The following TENM4 variants were observed in gnomAD, a reference collection of about 807,000 sequenced individuals.
The protein encoded by TENM4 is teneurin-4.
A neutral mutation model predicts 243.3 loss-of-function variants in TENM4; 82 were observed. The observed-to-expected ratio is 0.34, with a 90% CI of 0.28 to 0.40. The LOEUF is 0.40. Ranked by LOEUF, TENM4 falls within the 10% of genes least tolerant of loss-of-function variation. The pLI is 1.00. For synonymous variants in TENM4, 1,412 were observed against 1,456.3 expected (o/e 0.97, Z 0.69); for missense variants, 3,138 against 3,673.3 (o/e 0.85, Z 3.77).
intron 10 of TENM4, among the ~76,000 whole-genome samples, chr11:78,861,882 G>A (rs1035264757): frequency 2.0e-5 from 3 of 152,210 alleles, no homozygotes; most frequent in Admixed American, 1.3e-4. Flanking sequence ...GGCCATAGCA[G>A]GTGCAGGAGA....
At chr11:79,022,469 T>C (rs1309355968) in intron 6 of TENM4, among the ~76,000 whole-genome samples, 1 of 152,064 alleles carries the variant, frequency 6.6e-6, no homozygotes, top group Non-Finnish European at 1.5e-5. Context: ...AACAAGATAA[T>C]GAGTCCCAGG....
intron 6 of TENM4, among the ~76,000 whole-genome samples, chr11:78,946,499 T>G (rs1591153041): frequency 6.6e-6 from 1 of 152,250 alleles, no homozygotes; most frequent in African/African-American, 2.4e-5. Context: ...GTTGTTTTCA[T>G]GCCTGCTCAT....
At chr11:79,169,463 AGGT>A in intron 3 of TENM4, among the ~76,000 whole-genome samples, 2 of 152,144 alleles carry the variant, frequency 1.3e-5, no homozygotes, top group Non-Finnish European at 2.9e-5. Context: ...GAACAGACTC[AGGT>A]CTTGGAATCC....
chr11:78,857,914 G>A (rs1159112647), intron 10 of TENM4, among the ~76,000 whole-genome samples: 2 of 152,180 alleles, frequency 1.3e-5, no homozygotes, highest in Non-Finnish European at 2.9e-5. Flanking sequence ...TTGCTAGGGA[G>A]GCAGAACTAA....
rs1353106139 is a variant in TENM4, at chr11:79,229,428, A to G, written c.-264-13519T>C. On this transcript the variant is annotated intron_variant, in intron 2 of 33. Transcript: ENST00000278550. ...CATGCCCATATCCTTTCATAGTTTC[A>G]TGTCTATACTTTTGCTGTTTCTTCT... Among the ~76,000 whole-genome samples the G allele has an allele frequency of 3.3e-5, 5 of 152,132 alleles. No individual in the cohort carries two copies. The East Asian group carries it at 9.7e-4, about 29-fold the overall frequency.
intron 1 of TENM4, among the ~76,000 whole-genome samples, chr11:79,299,063 C>CAT (rs1491557174): frequency 1.3e-4 from 1 of 7,418 alleles, no homozygotes; most frequent in African/African-American, 6.2e-4. Context: ...GTGCTGTATC[C>CAT]ACACACACAC....
At chr11:79,389,894 T>C (rs1418055537) in intron 1 of TENM4, among the ~76,000 whole-genome samples, 1 of 152,262 alleles carries the variant, frequency 6.6e-6, no homozygotes, top group East Asian at 1.9e-4. Context: ...ACCCCTTGGA[T>C]TGTAAAGCCT....
intron 6 of TENM4, among the ~76,000 whole-genome samples, chr11:78,995,509 G>A (rs2136679933): frequency 6.6e-6 from 1 of 152,262 alleles, no homozygotes; most frequent in South Asian, 2.1e-4. Flanking sequence ...TTTCATAAGA[G>A]CCATTTGGAT....
intron 26 of TENM4, 113 bp from the exon 27 acceptor site, chr11:78,708,628 C>G: frequency 8.3e-7 from 1 of 1,204,466 alleles, no homozygotes; most frequent in Non-Finnish European, 1.2e-6. Flanking sequence ...TGGGTTTGAG[C>G]CTCCCACAAC....
intron 1 of TENM4, among the ~76,000 whole-genome samples, chr11:79,357,138 T>C (rs1288758747): frequency 6.6e-6 from 1 of 152,204 alleles, no homozygotes; most frequent in Non-Finnish European, 1.5e-5. Context: ...AGATGCTTCA[T>C]TGAGTGACTG....
At chr11:79,281,518 T>A (rs1160135751) in intron 2 of TENM4, among the ~76,000 whole-genome samples, 1 of 152,154 alleles carries the variant, frequency 6.6e-6, no homozygotes, top group Non-Finnish European at 1.5e-5. Flanking sequence ...ACTGAGAAAG[T>A]GAAATTCAGA....
chr11:79,161,767 C>T lies in TENM4; in HGVS notation c.-162-12961G>A, dbSNP rs189858601. ...TCTGTGAAAGGAGTTCAACCTTTAT[C>T]TTGTGGTCAGTGGGGACCCATTGAA... On this transcript the variant is annotated intron_variant, in intron 3 of 33. Transcript: ENST00000278550. Among the ~76,000 whole-genome samples the T allele has an allele frequency of 1.2e-3, 185 of 152,308 alleles. 3 individuals carry two copies. Among genetic ancestry groups the T allele is most frequent in the Middle Eastern group, 3.4e-3 (1 of 294 alleles).
At chr11:79,120,126 G>C (rs1380333019) in intron 4 of TENM4, among the ~76,000 whole-genome samples, 1 of 152,200 alleles carries the variant, frequency 6.6e-6, no homozygotes. Context: ...AAGAAGGCAT[G>C]GGAGTAGAAG....
At chr11:79,186,508 A>G (rs542436577) in intron 3 of TENM4, among the ~76,000 whole-genome samples, 2 of 152,358 alleles carry the variant, frequency 1.3e-5, no homozygotes, top group East Asian at 3.9e-4. Flanking sequence ...AATGACATGC[A>G]AAACAAAACA....
At position 79,231,908 on chromosome 11, in the gene TENM4, C is replaced by T. The variant is rs559321376; in HGVS notation, c.-264-15999G>A. Reference sequence around the variant, plus strand: ...CAGCCTGGCCAACATGGTGAAACCCCGTCTCTACTAAAAATAGAAAAATTA... The same window carrying T: ...CAGCCTGGCCAACATGGTGAAACCCTGTCTCTACTAAAAATAGAAAAATTA... On this transcript the variant is annotated intron_variant, in intron 2 of 33. Coordinates refer to ENST00000278550, the MANE Select transcript of TENM4 (RefSeq NM_001098816.3). Among the ~76,000 whole-genome samples, 9 of 152,126 alleles carry T rather than the reference C, an allele frequency of 5.9e-5. No homozygotes were observed. The East Asian group carries it at 7.8e-4, about 13-fold the overall frequency.
chr11:79,061,867 T>C (rs1218589610), intron 6 of TENM4, among the ~76,000 whole-genome samples: 1 of 152,128 alleles, frequency 6.6e-6, no homozygotes, highest in African/African-American at 2.4e-5. Context: ...GCAATGGGGA[T>C]AATAAAACCT....
chr11:79,414,027 A>G (rs1858758954), intron 1 of TENM4, among the ~76,000 whole-genome samples: 1 of 152,136 alleles, frequency 6.6e-6, no homozygotes, highest in African/African-American at 2.4e-5. Context: ...AGTAACAGAA[A>G]CACAAGATAC....
intron 6 of TENM4, among the ~76,000 whole-genome samples, chr11:79,045,544 C>G (rs754511083): frequency 2.0e-5 from 3 of 152,156 alleles, no homozygotes; most frequent in Non-Finnish European, 4.4e-5. Flanking sequence ...ACCCCACCCC[C>G]TTACTGACAG....
intron 23 of TENM4, among the ~76,000 whole-genome samples, chr11:78,723,987 T>TTTTCTTTC (rs375873132): frequency 1.3e-5 from 2 of 151,768 alleles, no homozygotes; most frequent in African/African-American, 4.8e-5. Flanking sequence ...TTTCTTTTCT[T>TTTTCTTTC]TTTCTTTCTT....
Sources: gnomAD v4.1 joint callset for allele counts (sites outside exome capture counted in the v4.1 genomes callset) on GRCh38, gnomAD v4.1.1 for gene constraint, MANE v1.5 for transcripts, NCBI Gene and HGNC (gene_info 2026-07-23, HGNC 2026-07-21) for gene names.